The following JAKMIP1 variants were observed in gnomAD, a reference collection of about 807,000 sequenced individuals.
JAKMIP1 encodes janus kinase and microtubule interacting protein 1.
A neutral mutation model predicts 113.0 loss-of-function variants in JAKMIP1; 33 were observed. The observed-to-expected ratio is 0.29, with a 90% CI of 0.22 to 0.39. The LOEUF (loss-of-function observed/expected upper bound fraction) is 0.39, where lower values mean the gene tolerates loss of function less well. JAKMIP1 is among the 10% of genes least tolerant of loss of function. JAKMIP1 has a pLI of 1.00. For synonymous variants in JAKMIP1, 480 were observed against 459.9 expected (o/e 1.04, Z -0.56); for missense variants, 813 against 1,080.5 (o/e 0.75, Z 3.47).
At chr4:6,134,012 G>T (rs1262925531) in intron 1 of JAKMIP1, among the ~76,000 whole-genome samples, 1 of 152,190 alleles carries the variant, frequency 6.6e-6, no homozygotes, top group African/African-American at 2.4e-5. Flanking sequence ...TAGGCTTTGT[G>T]TGCCCACCCA....
In JAKMIP1 at chr4:6,187,972, A is replaced by G. The variant is rs762658716; in HGVS notation, c.-148+12281T>C. Among the ~76,000 whole-genome samples the G allele has an allele frequency of 6.6e-6, 1 of 152,208 alleles. No individual in the cohort carries two copies. Among genetic ancestry groups the G allele is most frequent in the South Asian group, 2.1e-4 (1 of 4,824 alleles). On this transcript the variant is annotated intron_variant, in intron 1 of 20. Coordinates refer to ENST00000409021, the MANE Select transcript of JAKMIP1 (RefSeq NM_001099433.2). This position sits in a 1 kb window ranked among gnomAD's most constrained non-coding sequence, Gnocchi z 4.2. The stretch of plus-strand genomic sequence containing the variant: ...AAATGAATCAGACACCGTGTTTGCC[A>G]TGTAAGTCAGGAGCAAGGACTTCAA...
chr4:6,026,868 T>C (rs1711905816), intron 20 of JAKMIP1, among the ~76,000 whole-genome samples: 1 of 16,220 alleles, frequency 6.2e-5, no homozygotes, highest in Non-Finnish European at 1.9e-4. Flanking sequence ...TTCTTTGCAT[T>C]TTTTTTTTTT....
rs1719734453 is a variant in JAKMIP1 at position 6,139,217 on chromosome 4, A to G, written c.-147-26220T>C. The stretch of plus-strand genomic sequence containing the variant: ...CCCATGGGCTCCAGAAACTTTCACT[A>G]TTTAAAAGGGTTCTGCCCCAGTTAA... On this transcript the variant is annotated intron_variant, in intron 1 of 20. Transcript: ENST00000409021. This position sits in a 1 kb window ranked among gnomAD's most constrained non-coding sequence, Gnocchi z 5.2. Among the ~76,000 whole-genome samples the G allele has an allele frequency of 1.3e-5, 2 of 152,044 alleles. No homozygotes were observed. Among genetic ancestry groups the G allele is most frequent in the East Asian group, 1.9e-4 (1 of 5,164 alleles).
Position 6,067,565 on chromosome 4 carries a change from G to C in JAKMIP1, c.1303-2557C>G, listed in dbSNP as rs1389737554. Among the ~76,000 whole-genome samples the C allele has an allele frequency of 7.0e-6, 1 of 141,900 alleles. No individual in the cohort carries two copies. The highest frequency in any genetic ancestry group is 1.5e-5 in the Non-Finnish European group (1 of 64,774). The allele number at this position is 141,900 out of a possible 152,430, so 93.1% of individuals were successfully genotyped here. A position where few individuals can be genotyped will look rare whatever the true frequency, so the allele number is the denominator to read the frequency against. Reference sequence around the variant, plus strand: ...CATGGTGACAATGGCACCCACGGGAGTGATGCATCTGCAGCACTCAAGCTC... The same window carrying C: ...CATGGTGACAATGGCACCCACGGGACTGATGCATCTGCAGCACTCAAGCTC... On this transcript the variant is annotated intron_variant, in intron 8 of 20. Coordinates refer to ENST00000409021, the MANE Select transcript of JAKMIP1 (RefSeq NM_001099433.2). The surrounding 1 kb of genome is among the most constrained non-coding windows in gnomAD (Gnocchi z 4.6).
At chr4:6,164,792 G>T (rs1337896946) in intron 1 of JAKMIP1, among the ~76,000 whole-genome samples, 7 of 152,226 alleles carry the variant, frequency 4.6e-5, no homozygotes, top group Non-Finnish European at 8.8e-5. Flanking sequence ...AAAAGCAAGA[G>T]AATTAGAATG....
intron 2 of JAKMIP1, among the ~76,000 whole-genome samples, chr4:6,109,418 C>G (rs556859199): frequency 6.6e-6 from 1 of 151,916 alleles, no homozygotes; most frequent in Admixed American, 6.6e-5. Flanking sequence ...CAGGCATGAG[C>G]CACTGCGGAG....
chr4:6,102,722 CTTTTTTTTT>C (rs1191358910), intron 3 of JAKMIP1, among the ~76,000 whole-genome samples: 1 of 50,822 alleles, frequency 2.0e-5, no homozygotes, highest in Non-Finnish European at 3.2e-5. Context: ...TCTCTAAAGA[CTTTTTTTTT>C]TTTTTTTTTT....
In JAKMIP1 at chr4:6,135,361, T is replaced by C. The variant is rs958103225; in HGVS notation, c.-147-22364A>G. Reference sequence around the variant, plus strand: ...TGAGGACATGGGGAGAAGACGGCCGTCTACAAGCCAAGGAGAGAGGCTTCG... The same window carrying C: ...TGAGGACATGGGGAGAAGACGGCCGCCTACAAGCCAAGGAGAGAGGCTTCG... On this transcript the variant is annotated intron_variant, in intron 1 of 20. Coordinates refer to ENST00000409021, the MANE Select transcript of JAKMIP1 (RefSeq NM_001099433.2). The surrounding 1 kb of genome is among the most constrained non-coding windows in gnomAD (Gnocchi z 4.9). Among the ~76,000 whole-genome samples, 3 of 151,994 alleles carry C rather than the reference T, an allele frequency of 2.0e-5. No individual in the cohort carries two copies. Among genetic ancestry groups the C allele is most frequent in the Non-Finnish European group, 4.4e-5 (3 of 68,010 alleles).
Position 6,174,782 on chromosome 4 carries a change from G to A in JAKMIP1, c.-148+25471C>T, listed in dbSNP as rs183681697. On this transcript the variant is annotated intron_variant, in intron 1 of 20. Transcript: ENST00000409021. ...ACCTCAGCACCCCAAACTACACCAC[G>A]ACACCCAGCTCCCAGGTGACCCCGT... Among the ~76,000 whole-genome samples the A allele has an allele frequency of 2.9e-4, 38 of 131,490 alleles. No individual in the cohort carries two copies. In the East Asian group the frequency reaches 6.8e-3, roughly 24 times the overall value. The allele number at this position is 131,490 out of a possible 152,430, so 86.3% of individuals were successfully genotyped here.
intron 3 of JAKMIP1, among the ~76,000 whole-genome samples, chr4:6,104,241 G>A (rs1441280903): frequency 6.6e-6 from 1 of 152,206 alleles, no homozygotes; most frequent in East Asian, 1.9e-4. Context: ...GTGAAATCAT[G>A]TCTTTATTCA....
chr4:6,168,961 G>A lies in JAKMIP1; in HGVS notation c.-148+31292C>T, dbSNP rs1158547559. On this transcript the variant is annotated intron_variant, in intron 1 of 20. Transcript: ENST00000409021. This position sits in a 1 kb window ranked among gnomAD's most constrained non-coding sequence, Gnocchi z 4.6. Reference sequence around the variant, plus strand: ...AGAAGTAGATGTAGTGGTTGTCAGGGGTCACGTGAAAGGAAGAGTTGGTGG... The same window carrying A: ...AGAAGTAGATGTAGTGGTTGTCAGGAGTCACGTGAAAGGAAGAGTTGGTGG... 6.6e-6 allele frequency among the ~76,000 whole-genome samples: 1 copy of A among 152,066 alleles called. No homozygotes were observed. The highest frequency in any genetic ancestry group is 1.5e-5 in the Non-Finnish European group (1 of 68,004).
Position 6,037,326 on chromosome 4 carries a change from A to G in JAKMIP1, c.2176-1219T>C, listed in dbSNP as rs530973647. Among the ~76,000 whole-genome samples, 142 of 119,224 alleles carry G rather than the reference A, an allele frequency of 1.2e-3. 11 individuals are homozygous for G. The highest frequency in any genetic ancestry group is 1.7e-3 in the Non-Finnish European group (109 of 62,342). 78.2% of individuals were successfully genotyped at this position (119,224 alleles called of 152,430 possible). A position where few individuals can be genotyped will look rare whatever the true frequency, so the allele number is the denominator to read the frequency against. ...GGCAGAGGCTAACCAGTATCCCTCC[A>G]TCACCGAGGCAGAGGTTAACCCAGT... On this transcript the variant is annotated intron_variant, in intron 18 of 20. Transcript: ENST00000409021.
chr4:6,124,201 G>A (rs1402521561), intron 1 of JAKMIP1, among the ~76,000 whole-genome samples: 1 of 152,196 alleles, frequency 6.6e-6, no homozygotes, highest in African/African-American at 2.4e-5. Context: ...CACGTGGAAC[G>A]AGGGCTGGCG....
In JAKMIP1 at chr4:6,067,403, C is replaced by T. The variant is rs918450962; in HGVS notation, c.1303-2395G>A. On this transcript the variant is annotated intron_variant, in intron 8 of 20. Transcript: ENST00000409021. This position sits in a 1 kb window ranked among gnomAD's most constrained non-coding sequence, Gnocchi z 4.6. ...ACGTGAAGACTATGGGCACCATCAA[C>T]TTCAATGTCATTTCTCTCCTTGCAG... Among the ~76,000 whole-genome samples, 1 of 152,180 alleles carries T rather than the reference C, an allele frequency of 6.6e-6. No individual in the cohort carries two copies. The highest frequency in any genetic ancestry group is 1.5e-5 in the Non-Finnish European group (1 of 68,028).
chr4:6,113,692 C>T (rs918658361), intron 1 of JAKMIP1, among the ~76,000 whole-genome samples: 2 of 152,350 alleles, frequency 1.3e-5, no homozygotes, highest in African/African-American at 4.8e-5. Context: ...TGAGCCTAAT[C>T]ACCGCCCCAA....
intron 3 of JAKMIP1, among the ~76,000 whole-genome samples, chr4:6,100,099 T>C (rs1431771905): frequency 6.6e-6 from 1 of 152,242 alleles, no homozygotes; most frequent in Non-Finnish European, 1.5e-5. Flanking sequence ...ATTTTTCTTG[T>C]TTTAAACATT....
At chr4:6,098,768 AAAGAAAGAAAG>A (rs1712498061) in intron 3 of JAKMIP1, among the ~76,000 whole-genome samples, 4 of 149,496 alleles carry the variant, frequency 2.7e-5, no homozygotes, top group Admixed American at 2.0e-4. Context: ...AAGAGAAAGA[AAAGAAAGAAAG>A]AAAGAAAGAT....
At chr4:6,055,851 G>A (rs1716333649) in intron 12 of JAKMIP1, among the ~76,000 whole-genome samples, 1 of 149,824 alleles carries the variant, frequency 6.7e-6, no homozygotes, top group African/African-American at 2.5e-5. Context: ...GGTATCCCCA[G>A]AGGTCGGGGC....
At chr4:6,038,362 C>G (rs1371156366) in intron 18 of JAKMIP1, among the ~76,000 whole-genome samples, 3 of 125,444 alleles carry the variant, frequency 2.4e-5, no homozygotes, top group Non-Finnish European at 5.0e-5. Context: ...CCCAGTAGCC[C>G]TCCGTCACTG....
Sources: gnomAD v4.1 joint callset for allele counts (sites outside exome capture counted in the v4.1 genomes callset) on GRCh38, gnomAD v4.1.1 for gene constraint, Gnocchi (gnomAD v3.1) non-coding constraint, MANE v1.5 for transcripts, NCBI Gene and HGNC (gene_info 2026-07-23, HGNC 2026-07-21) for gene names.